ZNF667: variants seen among roughly 807,000 people sequenced by gnomAD.
ZNF667 encodes the protein myocardial ischemic preconditioning upregulated 1 ortholog.
A neutral mutation model predicts 31.8 loss-of-function variants in ZNF667; 13 were observed. The observed-to-expected ratio is 0.41, with a 90% confidence interval of 0.27 to 0.65. The LOEUF (loss-of-function observed/expected upper bound fraction) is 0.65. ZNF667 is among the 30% of genes least tolerant of loss of function. The probability of loss-of-function intolerance (pLI) is 0.32; values close to 1 mark genes in which losing one functional copy is unlikely to be tolerated. For synonymous variants in ZNF667, 228 were observed against 247.1 expected (o/e 0.92, Z 0.73); for missense variants, 642 against 725.6 (o/e 0.88, Z 1.32).
At chr19:56,446,268 A>T (rs1046841944) in intron 6 of ZNF667, among the ~76,000 whole-genome samples, 10 of 152,232 alleles carry the variant, frequency 6.6e-5, no homozygotes, top group Admixed American at 1.3e-4. Flanking sequence ...CGTACCTCAC[A>T]AGGTTTTCAT....
At chr19:56,469,202 A>G (rs75451727) in intron 3 of ZNF667, among the ~76,000 whole-genome samples, 6,894 of 152,288 alleles carry the variant, frequency 0.045, 216 homozygotes, top group Middle Eastern at 0.088. Flanking sequence ...GAGCGCTGAA[A>G]CATCAGCCCT....
intron 6 of ZNF667, among the ~76,000 whole-genome samples, chr19:56,445,905 C>T (rs1465493851): frequency 1.6e-5 from 2 of 122,598 alleles, no homozygotes; most frequent in Admixed American, 1.6e-4. Flanking sequence ...ACCCCACCTC[C>T]AACACTGAGG....
Position 56,441,831 on chromosome 19 carries a change from G to A in ZNF667, c.1164C>T (p.Cys388=). The change falls in exon 7 of 7, where the codon TGC becomes TGT. Residue 388 remains cysteine, a synonymous_variant. Transcript: ENST00000504904. This position sits in a 1 kb window ranked among gnomAD's most constrained non-coding sequence, Gnocchi z 4.2. ...RIHNGEKLYR[C]NKCEKVCNRH... ...GATTGCAGACCTTCTCACATTTATT[G>A]CATCTGTATAGTTTTTCTCCATTAT... 2 of 1,614,000 alleles carry A rather than the reference G, an allele frequency of 1.2e-6. No homozygotes were observed. Among genetic ancestry groups the A allele is most frequent in the Non-Finnish European group, 1.7e-6 (2 of 1,180,010 alleles).
intron 6 of ZNF667, among the ~76,000 whole-genome samples, chr19:56,443,070 C>T (rs1292344701): frequency 2.0e-5 from 3 of 152,040 alleles, no homozygotes; most frequent in Non-Finnish European, 2.9e-5. Context: ...AAAGGTAAGT[C>T]TACAGAGACA....
In ZNF667 at chr19:56,442,016, C is replaced by G. The variant is rs760152341; in HGVS notation, c.979G>C (p.Glu327Gln). 2 of 1,614,096 alleles carry G rather than the reference C, an allele frequency of 1.2e-6. No individual in the cohort carries two copies. Among genetic ancestry groups the G allele is most frequent in the South Asian group, 2.2e-5 (2 of 91,070 alleles). Residue 327 changes from glutamate (E) to glutamine (Q), a missense_variant, in exon 7 of 7, where the codon GAG (glutamate) becomes CAG (glutamine). Physicochemically the swap from Glu to Gln is conservative, Grantham distance 29. Coordinates refer to ENST00000504904, the MANE Select transcript of ZNF667 (RefSeq NM_001321356.2). ...CATTTTCTGCATTTAAAAGGATTCTCTAAATGGTGACTTCTTTGCTGTAGA... is the reference window on the plus strand; with the variant it reads ...CATTTTCTGCATTTAAAAGGATTCTGTAAATGGTGACTTCTTTGCTGTAGA... ...QSLQQRSHHL[E>Q]NPFKCRKCGK...
At position 56,441,392 on chromosome 19, in the gene ZNF667, C is replaced by T. The variant is rs1250709601; in HGVS notation, c.1603G>A (p.Ala535Thr). Residue 535 changes from alanine to threonine, a missense_variant, in exon 7 of 7, where the codon GCC becomes ACC. Physicochemically the swap from Ala to Thr is moderately conservative, Grantham distance 58. Transcript: ENST00000504904. The surrounding 1 kb of genome is among the most constrained non-coding windows in gnomAD (Gnocchi z 4.2). ...KPYTCKTCGK[A>T]FSQRTSLILH... ...ATAAGAGATGTGCGCTGACTAAAGG[C>T]CTTACCACATGTTTTGCATGTATAT... 2 of 1,613,982 alleles carry T rather than the reference C, an allele frequency of 1.2e-6. No individual in the cohort carries two copies. Among genetic ancestry groups the T allele is most frequent in the East Asian group, 4.5e-5 (2 of 44,880 alleles).
At chr19:56,449,554 C>A in intron 6 of ZNF667, 1 of 271,494 alleles carries the variant, frequency 3.7e-6, no homozygotes, top group South Asian at 3.3e-5. Context: ...TAGTGGGACA[C>A]ACCTGTAATC....
In ZNF667 at chr19:56,442,387, T is replaced by G. The variant is rs144928975; in HGVS notation, c.608A>C (p.Asn203Thr). 1.9e-6 allele frequency: 3 copies of G among 1,614,050 alleles called. No homozygotes were observed. The highest frequency in any genetic ancestry group is 2.5e-6 in the Non-Finnish European group (3 of 1,180,028). Residue 203 changes from asparagine (N) to threonine (T), a missense_variant, in exon 7 of 7, where the codon AAT (asparagine) becomes ACT (threonine). Transcript: ENST00000504904. The part of the protein sequence containing the change: ...IHSGKKSHEC[N>T]KCGESFNQRT... Reference sequence around the variant, plus strand: ...TTGATTGAAGCTTTCCCCACATTTATTGCATTCATGGCTTTTCTTTCCACT... The same window carrying G: ...TTGATTGAAGCTTTCCCCACATTTAGTGCATTCATGGCTTTTCTTTCCACT...
Position 56,441,739 on chromosome 19 carries a change from T to A in ZNF667, c.1256A>T (p.Glu419Val), listed in dbSNP as rs200967987. Residue 419 changes from glutamate to valine, a missense_variant, in exon 7 of 7, where the codon GAA becomes GTA. By Grantham distance (121) the Glu-to-Val change is moderately radical. Coordinates refer to ENST00000504904, the MANE Select transcript of ZNF667 (RefSeq NM_001321356.2). This position sits in a 1 kb window ranked among gnomAD's most constrained non-coding sequence, Gnocchi z 4.2. The part of the protein sequence containing the change: ...TKKKKLFECK[E>V]CGKMFSGTAN... ...AGTTCCAGAAAACATCTTCCCACAT[T>A]CCTTACACTCAAATAGTTTCTTTTT... The A allele has an allele frequency of 6.2e-7, 1 of 1,614,174 alleles. No individual in the cohort carries two copies. Among genetic ancestry groups the A allele is most frequent in the Non-Finnish European group, 8.5e-7 (1 of 1,180,012 alleles).
At chr19:56,471,037 G>T (rs1264782333) in intron 3 of ZNF667, among the ~76,000 whole-genome samples, 1 of 152,130 alleles carries the variant, frequency 6.6e-6, no homozygotes, top group East Asian at 1.9e-4. Context: ...GTGGGACCTG[G>T]TGGGAGGTGA....
intron 6 of ZNF667, among the ~76,000 whole-genome samples, chr19:56,453,645 G>A (rs2042879054): frequency 1.3e-5 from 2 of 152,028 alleles, no homozygotes; most frequent in Non-Finnish European, 2.9e-5. Flanking sequence ...CCTTCATGAT[G>A]CGATCCCTCA....
At chr19:56,465,715 C>T (rs1245815739) in intron 3 of ZNF667, among the ~76,000 whole-genome samples, 1 of 152,170 alleles carries the variant, frequency 6.6e-6, no homozygotes, top group Non-Finnish European at 1.5e-5. Context: ...CTGTGTGGCA[C>T]CCTCCCCTCT....
intron 3 of ZNF667, among the ~76,000 whole-genome samples, chr19:56,464,974 T>C (rs79026404): frequency 0.036 from 5,420 of 152,324 alleles, 212 homozygotes; most frequent in African/African-American, 0.096. Flanking sequence ...CTTCCCTTAC[T>C]GTGGAAAGCT....
chr19:56,462,763 A>G (rs2043074529), intron 3 of ZNF667, among the ~76,000 whole-genome samples: 1 of 152,212 alleles, frequency 6.6e-6, no homozygotes, highest in African/African-American at 2.4e-5. Context: ...GCAGTGAGTT[A>G]AAGTGGAAGA....
intron 3 of ZNF667, among the ~76,000 whole-genome samples, chr19:56,470,283 C>T (rs937542938): frequency 1.3e-5 from 2 of 152,202 alleles, no homozygotes; most frequent in Admixed American, 6.5e-5. Flanking sequence ...TCGCATTGAC[C>T]GTCCTTAGCC....
intron 1 of ZNF667, among the ~76,000 whole-genome samples, chr19:56,476,513 A>G (rs2043410773): frequency 6.6e-6 from 1 of 152,236 alleles, no homozygotes; most frequent in South Asian, 2.1e-4. Context: ...CACGGTGATT[A>G]GTATGTGACA....
In ZNF667 at chr19:56,442,267, T is replaced by C. The variant is rs1568833300; in HGVS notation, c.728A>G (p.His243Arg). ...ALSQCQSFNI[H>R]QKIHVVGNVC... ...ATTCCCAACAACATGAATTTTCTGA[T>C]GTATATTGAAAGACTGACATTGACT... The change falls in exon 7 of 7, where the codon CAT becomes CGT. Residue 243 changes from histidine to arginine, a missense_variant. By Grantham distance (29) the His-to-Arg change is conservative (BLOSUM62 0). Transcript: ENST00000504904. 6.2e-7 allele frequency: 1 copy of C among 1,614,204 alleles called. No individual in the cohort carries two copies. The highest frequency in any genetic ancestry group is 1.7e-5 in the Admixed American group (1 of 60,038).
At chr19:56,476,669 A>C (rs118102888) in intron 1 of ZNF667, among the ~76,000 whole-genome samples, 644 of 152,266 alleles carry the variant, frequency 4.2e-3, no homozygotes, top group South Asian at 9.7e-3. Flanking sequence ...AGCCCATCAC[A>C]TCTTAGAGCT....
intron 6 of ZNF667, chr19:56,449,731 A>G (rs979347464): frequency 6.6e-6 from 1 of 152,156 alleles, no homozygotes; most frequent in East Asian, 1.9e-4. Context: ...AACAAAATCC[A>G]AGATAACACA....
Sources: allele counts gnomAD v4.1 joint callset (sites outside exome capture counted in the v4.1 genomes callset), GRCh38; gene constraint gnomAD v4.1.1; non-coding constraint Gnocchi (gnomAD v3.1); transcripts MANE v1.5; gene names NCBI Gene and HGNC (gene_info 2026-07-23, HGNC 2026-07-21).